The following ARL15 variants were observed in gnomAD, a reference collection of about 807,000 sequenced individuals.
ARL15 encodes the protein ARF like GTPase 15, also known as ADP-ribosylation factor-like protein 15.
In ARL15, 19 loss-of-function variants were observed where a neutral mutation model predicts 25.2. That is an observed-to-expected ratio of 0.75 (90% CI 0.53 to 1.10). ARL15 has a LOEUF of 1.10. Among genes scored for constraint, ARL15 ranks in the 50% least tolerant of loss-of-function variants. ARL15 has a pLI of 0.00. For missense variants in ARL15, 220 were observed against 246.0 expected, an observed-to-expected ratio of 0.89 and a Z score of 0.71; for synonymous variants, 94 against 86.8, an observed-to-expected ratio of 1.08 and a Z score of -0.46.
intron 4 of ARL15, among the ~76,000 whole-genome samples, chr5:53,944,100 C>A (rs1171339733): frequency 6.6e-6 from 1 of 152,032 alleles, no homozygotes; most frequent in Non-Finnish European, 1.5e-5. Context: ...TCTTACAGGG[C>A]CTTAGAACTA....
intron 4 of ARL15, among the ~76,000 whole-genome samples, chr5:54,091,596 G>A (rs997707664): frequency 2.0e-5 from 3 of 152,098 alleles, no homozygotes; most frequent in Admixed American, 2.0e-4. Context: ...GCCTTCTCCT[G>A]GACCAGTAAA....
chr5:54,067,908 T>C (rs947615636), intron 4 of ARL15, among the ~76,000 whole-genome samples: 1 of 152,182 alleles, frequency 6.6e-6, no homozygotes, highest in African/African-American at 2.4e-5. Flanking sequence ...ACTACTCACC[T>C]GTAAGTTTTT....
At chr5:54,228,788 T>C (rs1455439783) in intron 1 of ARL15, among the ~76,000 whole-genome samples, 1 of 152,222 alleles carries the variant, frequency 6.6e-6, no homozygotes, top group Non-Finnish European at 1.5e-5. Context: ...GATCTCATGT[T>C]AAGGATTCTA....
At chr5:53,971,577 A>T (rs1346084575) in intron 4 of ARL15, among the ~76,000 whole-genome samples, 1 of 151,312 alleles carries the variant, frequency 6.6e-6, no homozygotes, top group East Asian at 1.9e-4. Context: ...TTTCTTAAAA[A>T]GGCATCCACA....
chr5:54,166,140 T>C (rs1754557022), intron 2 of ARL15, among the ~76,000 whole-genome samples: 1 of 152,100 alleles, frequency 6.6e-6, no homozygotes, highest in Non-Finnish European at 1.5e-5. Flanking sequence ...TTTTGAACAA[T>C]TTTATTATGA....
intron 4 of ARL15, among the ~76,000 whole-genome samples, chr5:53,996,427 T>C (rs1304335186): frequency 6.6e-6 from 1 of 152,014 alleles, no homozygotes; most frequent in Non-Finnish European, 1.5e-5. Flanking sequence ...AAGACCAGCT[T>C]TGCCAGCATG....
At chr5:54,192,487 G>C (rs1327545591) in intron 1 of ARL15, among the ~76,000 whole-genome samples, 1 of 151,982 alleles carries the variant, frequency 6.6e-6, no homozygotes, top group East Asian at 1.9e-4. Flanking sequence ...ATTGGACAGA[G>C]GTTGATGGAA....
intron 4 of ARL15, among the ~76,000 whole-genome samples, chr5:53,982,480 C>T (rs1748155818): frequency 6.6e-6 from 1 of 152,034 alleles, no homozygotes; most frequent in Non-Finnish European, 1.5e-5. Context: ...ATGATGGTTT[C>T]CAGCTTCATC....
chr5:53,908,490 T>G (rs1365028471), intron 4 of ARL15, among the ~76,000 whole-genome samples: 2 of 152,158 alleles, frequency 1.3e-5, no homozygotes, highest in African/African-American at 4.8e-5. Context: ...TATGCATAGG[T>G]AATATGCAAA....
chr5:54,010,836 G>GAAAATACAA (rs1057027781), intron 4 of ARL15, among the ~76,000 whole-genome samples: 5 of 151,830 alleles, frequency 3.3e-5, no homozygotes, highest in African/African-American at 1.2e-4. Flanking sequence ...CGTCTCTACT[G>GAAAATACAA]AAAATACAAA....
chr5:53,916,832 T>C (rs1745668070), intron 4 of ARL15, among the ~76,000 whole-genome samples: 1 of 152,206 alleles, frequency 6.6e-6, no homozygotes, highest in Admixed American at 6.5e-5. Context: ...TGTAGGAAAC[T>C]CTTTCAAACA....
chr5:54,030,193 G>A (rs1408244342), intron 4 of ARL15, among the ~76,000 whole-genome samples: 1 of 152,044 alleles, frequency 6.6e-6, no homozygotes, highest in Non-Finnish European at 1.5e-5. Flanking sequence ...ACTTCTGAAA[G>A]TGAGTCAGGA....
At chr5:53,986,585 G>C (rs1044829580) in intron 4 of ARL15, among the ~76,000 whole-genome samples, 2 of 152,190 alleles carry the variant, frequency 1.3e-5, no homozygotes, top group Admixed American at 6.5e-5. Flanking sequence ...GGTGGTCTCT[G>C]ACTATGCTTT....
intron 4 of ARL15, among the ~76,000 whole-genome samples, chr5:54,109,204 T>C (rs1235199674): frequency 2.0e-5 from 3 of 152,002 alleles, no homozygotes; most frequent in African/African-American, 7.2e-5. Context: ...GTGGAACAAA[T>C]AGAGCCATTC....
At chr5:54,168,048 A>C (rs1391419079) in intron 2 of ARL15, among the ~76,000 whole-genome samples, 1 of 152,228 alleles carries the variant, frequency 6.6e-6, no homozygotes, top group African/African-American at 2.4e-5. Flanking sequence ...TATATTCCTT[A>C]TCAAAAGCAG....
chr5:54,044,240 ATT>A (rs1196537602), intron 4 of ARL15, among the ~76,000 whole-genome samples: 6,919 of 128,510 alleles, frequency 0.054, 140 homozygotes, highest in Middle Eastern at 0.097. Context: ...CCATTATTTA[ATT>A]TTTTTTTTTT....
intron 4 of ARL15, among the ~76,000 whole-genome samples, chr5:53,999,051 C>A (rs969001942): frequency 1.3e-5 from 2 of 152,118 alleles, no homozygotes; most frequent in Admixed American, 1.3e-4. Flanking sequence ...ACAGAGACAT[C>A]AACACTGAGA....
At chr5:53,968,000 C>CT (rs1432320504) in intron 4 of ARL15, among the ~76,000 whole-genome samples, 5 of 151,788 alleles carry the variant, frequency 3.3e-5, no homozygotes, top group African/African-American at 1.2e-4. Flanking sequence ...GATTCCAGGT[C>CT]TAGAGGAGTA....
chr5:54,255,435 A>C (rs991482629), intron 1 of ARL15, among the ~76,000 whole-genome samples: 1 of 152,240 alleles, frequency 6.6e-6, no homozygotes, highest in African/African-American at 2.4e-5. Context: ...CTATTAACTT[A>C]ATAAATCCAC....
Sources: allele counts gnomAD v4.1 joint callset (sites outside exome capture counted in the v4.1 genomes callset), GRCh38; gene constraint gnomAD v4.1.1; transcripts MANE v1.5; gene names NCBI Gene and HGNC (gene_info 2026-07-23, HGNC 2026-07-21).